The following SLC9C2 variants were observed in gnomAD, a reference collection of about 807,000 sequenced individuals.
SLC9C2 encodes sodium/hydrogen exchanger 11.
In SLC9C2, 75 loss-of-function variants were observed where a neutral mutation model predicts 140.2. The ratio of observed to expected loss-of-function variants is 0.53; its 90% CI spans 0.44 to 0.65. The LOEUF (loss-of-function observed/expected upper bound fraction) is 0.65, where lower values mean the gene tolerates loss of function less well. Ranked by LOEUF, SLC9C2 falls within the 30% of genes least tolerant of loss-of-function variation. The probability of loss-of-function intolerance (pLI) is 0.00; values close to 1 mark genes in which losing one functional copy is unlikely to be tolerated. For synonymous variants in SLC9C2, 375 were observed against 420.9 expected, an observed-to-expected ratio of 0.89 and a Z score of 1.34; for missense variants, 1,074 against 1,331.8, an observed-to-expected ratio of 0.81 and a Z score of 3.01.
intron 9 of SLC9C2, among the ~76,000 whole-genome samples, chr1:173,567,913 C>T (rs1288132423): frequency 6.6e-6 from 1 of 152,030 alleles, no homozygotes; most frequent in African/African-American, 2.4e-5. Flanking sequence ...ACACTAATTG[C>T]ATAAACGAAG....
In SLC9C2 at chr1:173,537,055, A is replaced by G; in HGVS notation, c.1558-16T>C. 1.3e-6 allele frequency: 2 copies of G among 1,586,348 alleles called. No individual in the cohort carries two copies. Among genetic ancestry groups the G allele is most frequent in the Non-Finnish European group, 1.7e-6 (2 of 1,155,350 alleles). On this transcript the variant is annotated splice_polypyrimidine_tract_variant and intron_variant, in intron 13 of 27. Coordinates refer to ENST00000367714, the MANE Select transcript of SLC9C2 (RefSeq NM_178527.4). The stretch of plus-strand genomic sequence containing the variant: ...CAAAGCTACTCTAAACATACATTAA[A>G]TGAAGATTACAAAAGATCAAAACAT...
intron 21 of SLC9C2, among the ~76,000 whole-genome samples, chr1:173,522,966 C>T (rs1660931799): frequency 6.6e-6 from 1 of 152,206 alleles, no homozygotes; most frequent in Non-Finnish European, 1.5e-5. Flanking sequence ...CTCTGTGTTA[C>T]CTTTTCTCCC....
Position 173,509,682 on chromosome 1 carries a change from C to A in SLC9C2, c.2925G>T (p.Leu975=). The A allele has an allele frequency of 6.3e-7, 1 of 1,591,444 alleles. No individual in the cohort carries two copies. The highest frequency in any genetic ancestry group is 8.5e-7 in the Non-Finnish European group (1 of 1,173,914). The change falls in exon 24 of 28, where the codon CTG becomes CTT. Residue 975 remains leucine, a synonymous_variant. Transcript: ENST00000367714. The part of the protein sequence containing the change: ...ETSLQACFIS[L]EDLYEGFDAF... ...CATCAAAGCCTTCATATAAATCCTCCAGGGAGATAAAGCAGGCCTGAAACA... is the reference window on the plus strand; with the variant it reads ...CATCAAAGCCTTCATATAAATCCTCAAGGGAGATAAAGCAGGCCTGAAACA...
In SLC9C2 at chr1:173,537,060, G is replaced by A. The variant is rs117086900; in HGVS notation, c.1558-21C>T. 2.9e-3 allele frequency: 4,468 copies of A among 1,559,884 alleles called. 232 individuals are homozygous for A. The East Asian group carries it at 0.09, about 31-fold the overall frequency. ...CTACTCTAAACATACATTAAATGAA[G>A]ATTACAAAAGATCAAAACATAAATG... On this transcript the variant is annotated intron_variant, in intron 13 of 27. Coordinates refer to ENST00000367714, the MANE Select transcript of SLC9C2 (RefSeq NM_178527.4).
chr1:173,599,274 G>A (rs992850741), intron 3 of SLC9C2, among the ~76,000 whole-genome samples: 2 of 150,024 alleles, frequency 1.3e-5, no homozygotes, highest in African/African-American at 2.5e-5. Context: ...ACAGCAAGGA[G>A]GAAGCCAGTG....
At chr1:173,554,209 G>T (rs1189576284) in intron 11 of SLC9C2, among the ~76,000 whole-genome samples, 2 of 152,074 alleles carry the variant, frequency 1.3e-5, no homozygotes, top group African/African-American at 2.4e-5. Context: ...ATGATATTTC[G>T]CAGCTTCCCT....
chr1:173,565,955 T>C (rs1664446155), intron 9 of SLC9C2, among the ~76,000 whole-genome samples: 1 of 152,178 alleles, frequency 6.6e-6, no homozygotes, highest in Admixed American at 6.5e-5. Context: ...TTGTCCTTCA[T>C]TCTGTTGATA....
Position 173,571,649 on chromosome 1 carries a change from C to G in SLC9C2, c.1046+1533G>C, listed in dbSNP as rs960341629. On this transcript the variant is annotated intron_variant, in intron 9 of 27. Transcript: ENST00000367714. Reference sequence around the variant, plus strand: ...TGATTTTGGTTTTTTTTCTGAAAACCCCAATTACATTGTAAACTCCATGAT... The same window carrying G: ...TGATTTTGGTTTTTTTTCTGAAAACGCCAATTACATTGTAAACTCCATGAT... The G allele has an allele frequency of 2.6e-5, 4 of 151,834 alleles. No homozygotes were observed. The South Asian group carries it at 8.3e-4, about 32-fold the overall frequency. The allele number at this position is 151,834 out of a possible 1,614,324, so 9.4% of individuals were successfully genotyped here.
At chr1:173,586,910 T>C (rs1050253566) in intron 5 of SLC9C2, among the ~76,000 whole-genome samples, 2 of 151,720 alleles carry the variant, frequency 1.3e-5, no homozygotes, top group Non-Finnish European at 2.9e-5. Context: ...GAGCTTAGAG[T>C]ACAGGTCAAT....
intron 22 of SLC9C2, among the ~76,000 whole-genome samples, chr1:173,518,586 G>A (rs748252911): frequency 1.3e-5 from 2 of 152,140 alleles, no homozygotes; most frequent in Non-Finnish European, 2.9e-5. Context: ...AGAAAGAACC[G>A]CGGTATCAGA....
intron 3 of SLC9C2, 104 bp downstream of exon 3, chr1:173,600,013 G>A: frequency 1.5e-6 from 1 of 680,396 alleles, no homozygotes; most frequent in African/African-American, 1.8e-5. Flanking sequence ...TTGAGTAGCT[G>A]TTCCCATAAG....
At chr1:173,541,174 ATGGAAAGC>A (rs371249637) in intron 13 of SLC9C2, among the ~76,000 whole-genome samples, 1 of 148,296 alleles carries the variant, frequency 6.7e-6, no homozygotes, top group African/African-American at 2.6e-5. Flanking sequence ...TACCAAGCAA[ATGGAAAGC>A]AAAAAAAAAA....
At chr1:173,556,963 C>T (rs1397337783) in intron 10 of SLC9C2, among the ~76,000 whole-genome samples, 3 of 151,332 alleles carry the variant, frequency 2.0e-5, no homozygotes, top group South Asian at 2.1e-4. Context: ...AAGAAAATAG[C>T]ATGTATGTGT....
intron 9 of SLC9C2, among the ~76,000 whole-genome samples, chr1:173,571,223 C>T (rs754763933): frequency 1.4e-4 from 21 of 152,314 alleles, no homozygotes; most frequent in Middle Eastern, 6.8e-3. Flanking sequence ...ACCACTCTTA[C>T]GGGGCTGATG....
rs543492429 is a variant in SLC9C2 at position 173,517,544 on chromosome 1, C to A, written c.2900G>T (p.Ser967Ile). ...EIEYTVICET[S>I]LQACFISLED... ...ACAGAACCATTTTCCTACCTGTAAA[C>A]TAGTTTCACAGATGACGGTATATTC... The change falls in exon 23 of 28, where the codon AGT becomes ATT. Residue 967 changes from serine (S) to isoleucine (I), a missense_variant. Coordinates refer to ENST00000367714, the MANE Select transcript of SLC9C2 (RefSeq NM_178527.4). 1.9e-6 allele frequency: 3 copies of A among 1,600,020 alleles called. No homozygotes were observed. Among genetic ancestry groups the A allele is most frequent in the South Asian group, 1.1e-5 (1 of 87,780 alleles).
Position 173,534,649 on chromosome 1 carries a change from T to G in SLC9C2, c.1809A>C (p.Ile603=). Residue 603 remains isoleucine (I), a synonymous_variant, in exon 16 of 28, where the codon ATA becomes ATC. Transcript: ENST00000367714. ...SNTFLTFIFH[I]VFSEEFEYTG... ...TATATTCAAATTCTTCAGAAAATACTATGTGAAATATAAAAGTCAGAAATG... is the reference window on the plus strand; with the variant it reads ...TATATTCAAATTCTTCAGAAAATACGATGTGAAATATAAAAGTCAGAAATG... The G allele has an allele frequency of 6.5e-7, 1 of 1,538,978 alleles. No homozygotes were observed. Among genetic ancestry groups the G allele is most frequent in the Non-Finnish European group, 8.7e-7 (1 of 1,143,462 alleles).
chr1:173,517,733 GA>G, intron 22 of SLC9C2, 29 bp from the exon 23 acceptor site: 1 of 1,568,598 alleles, frequency 6.4e-7, no homozygotes, highest in East Asian at 2.3e-5. Flanking sequence ...TGTGCAAAGG[GA>G]AAGAAAAAAT....
intron 9 of SLC9C2, among the ~76,000 whole-genome samples, chr1:173,562,434 A>T (rs1388283162): frequency 2.0e-5 from 3 of 152,224 alleles, no homozygotes; most frequent in Non-Finnish European, 4.4e-5. Flanking sequence ...TAAACATTTT[A>T]TACATAGTGG....
intron 6 of SLC9C2, among the ~76,000 whole-genome samples, chr1:173,582,219 G>A (rs1182776865): frequency 6.6e-6 from 1 of 152,134 alleles, no homozygotes; most frequent in African/African-American, 2.4e-5. Context: ...CTTAAGGTTT[G>A]CTTATCTAGG....
Sources: gnomAD v4.1 joint callset for allele counts (sites outside exome capture counted in the v4.1 genomes callset) on GRCh38, gnomAD v4.1.1 for gene constraint, MANE v1.5 for transcripts, NCBI Gene and HGNC (gene_info 2026-07-23, HGNC 2026-07-21) for gene names.